VAV3: variants seen among roughly 807,000 people sequenced by gnomAD.
VAV3 encodes vav guanine nucleotide exchange factor 3, also known as guanine nucleotide exchange factor VAV3.
In VAV3, 94 loss-of-function variants were observed where a neutral mutation model predicts 131.2. That is an observed-to-expected ratio of 0.72 (90% confidence interval 0.61 to 0.85). VAV3 has a LOEUF of 0.85. Among genes scored for constraint, VAV3 ranks in the 40% least tolerant of loss-of-function variants. The pLI, the probability that VAV3 is intolerant of heterozygous loss-of-function variation, is 0.00. For synonymous variants in VAV3, 349 were observed against 342.0 expected, an observed-to-expected ratio of 1.02 and a Z score of -0.22; for missense variants, 939 against 1,002.7, an observed-to-expected ratio of 0.94 and a Z score of 0.86.
chr1:107,930,540 T>C (rs1259324208), intron 1 of VAV3, among the ~76,000 whole-genome samples: 3 of 152,148 alleles, frequency 2.0e-5, no homozygotes, highest in African/African-American at 7.2e-5. Flanking sequence ...CCTTCCCATA[T>C]GTATTACACT....
intron 15 of VAV3, among the ~76,000 whole-genome samples, chr1:107,746,435 C>T (rs974728383): frequency 6.6e-6 from 1 of 152,184 alleles, no homozygotes; most frequent in East Asian, 1.9e-4. Context: ...TGCTGAGATG[C>T]TTGGAAAACA....
chr1:107,650,569 A>G (rs1225757707), intron 19 of VAV3, among the ~76,000 whole-genome samples: 1 of 148,918 alleles, frequency 6.7e-6, no homozygotes, highest in Admixed American at 6.7e-5. Context: ...ATTTATTATT[A>G]TTATTATACT....
chr1:107,622,301 G>A (rs1653667303), intron 20 of VAV3, among the ~76,000 whole-genome samples: 1 of 152,102 alleles, frequency 6.6e-6, no homozygotes, highest in Non-Finnish European at 1.5e-5. Flanking sequence ...CAGGTTTGCT[G>A]GTAGAAATGA....
At position 107,768,510 on chromosome 1, in the gene VAV3, C is replaced by G. The variant is rs1664858762; in HGVS notation, c.649-1G>C. Reference sequence around the variant, plus strand: ...ATCTTTTTAGTGGTGCCATGAAATACTACCAGGAAAGAAGAAGAAAATAGT... The same window carrying G: ...ATCTTTTTAGTGGTGCCATGAAATAGTACCAGGAAAGAAGAAGAAAATAGT... On this transcript the variant is annotated splice_acceptor_variant, in intron 6 of 26. Coordinates refer to ENST00000370056, the MANE Select transcript of VAV3 (RefSeq NM_006113.5). LOFTEE classifies it high-confidence loss of function. The G allele has an allele frequency of 1.9e-6, 3 of 1,610,634 alleles. No individual in the cohort carries two copies. Among genetic ancestry groups the G allele is most frequent in the Non-Finnish European group, 2.5e-6 (3 of 1,177,906 alleles).
intron 1 of VAV3, among the ~76,000 whole-genome samples, chr1:107,897,847 T>C (rs1421350574): frequency 1.3e-5 from 2 of 152,166 alleles, no homozygotes; most frequent in African/African-American, 2.4e-5. Context: ...TTTATGAAAT[T>C]TTATTGCTGT....
At chr1:107,607,990 C>T (rs111380884) in intron 22 of VAV3, among the ~76,000 whole-genome samples, 241 of 152,188 alleles carry the variant, frequency 1.6e-3, no homozygotes, top group Admixed American at 3.9e-3. Context: ...TGTTCCCTAG[C>T]AGAAGACATT....
chr1:107,812,247 T>G (rs1208332186), intron 2 of VAV3, among the ~76,000 whole-genome samples: 1 of 152,184 alleles, frequency 6.6e-6, no homozygotes, highest in South Asian at 2.1e-4. Flanking sequence ...GACACTCTTG[T>G]GCATAGATAG....
At chr1:107,859,338 C>G (rs1669629733) in intron 2 of VAV3, among the ~76,000 whole-genome samples, 1 of 152,078 alleles carries the variant, frequency 6.6e-6, no homozygotes, top group African/African-American at 2.4e-5. Flanking sequence ...TCCCAAAGTG[C>G]TAAGATTATA....
intron 1 of VAV3, among the ~76,000 whole-genome samples, chr1:107,890,792 C>A (rs184847976): frequency 6.6e-6 from 1 of 152,216 alleles, no homozygotes; most frequent in East Asian, 1.9e-4. Flanking sequence ...CCAAACTTAG[C>A]CATTTTTCTA....
intron 19 of VAV3, among the ~76,000 whole-genome samples, chr1:107,663,602 A>C (rs1326584778): frequency 6.6e-6 from 1 of 152,208 alleles, no homozygotes; most frequent in Admixed American, 6.5e-5. Context: ...ATTGCCTATA[A>C]AGTGGTCAGA....
chr1:107,919,955 G>A (rs1672815439), intron 1 of VAV3, among the ~76,000 whole-genome samples: 1 of 152,112 alleles, frequency 6.6e-6, no homozygotes, highest in African/African-American at 2.4e-5. Flanking sequence ...CAGTTGAGGT[G>A]ACTTTCTTAC....
intron 1 of VAV3, among the ~76,000 whole-genome samples, chr1:107,928,818 A>G (rs1673280752): frequency 6.6e-6 from 1 of 152,214 alleles, no homozygotes; most frequent in African/African-American, 2.4e-5. Context: ...GTAGAGAAAG[A>G]GATAAGGAAG....
At chr1:107,851,667 T>C (rs536443525) in intron 2 of VAV3, among the ~76,000 whole-genome samples, 1 of 152,272 alleles carries the variant, frequency 6.6e-6, no homozygotes, top group Non-Finnish European at 1.5e-5. Flanking sequence ...GAACAGGCTC[T>C]GAAAAATAAT....
intron 2 of VAV3, among the ~76,000 whole-genome samples, chr1:107,816,027 G>A (rs1667545732): frequency 6.6e-6 from 1 of 152,154 alleles, no homozygotes; most frequent in Non-Finnish European, 1.5e-5. Flanking sequence ...GGAATCCAGT[G>A]CTGCCACTGA....
intron 4 of VAV3, among the ~76,000 whole-genome samples, chr1:107,773,922 T>C (rs373971829): frequency 5.0e-4 from 76 of 152,230 alleles, no homozygotes; most frequent in African/African-American, 1.8e-3. Context: ...TCCCTGGCAC[T>C]CCTAATCCCA....
chr1:107,700,506 T>C (rs1660045574), intron 17 of VAV3, among the ~76,000 whole-genome samples: 1 of 152,164 alleles, frequency 6.6e-6, no homozygotes, highest in Admixed American at 6.5e-5. Context: ...CCTGTGTCCA[T>C]GTGTTCTCAT....
At chr1:107,885,556 G>C (rs970366786) in intron 1 of VAV3, among the ~76,000 whole-genome samples, 3 of 152,082 alleles carry the variant, frequency 2.0e-5, no homozygotes, top group African/African-American at 7.2e-5. Flanking sequence ...CAAACCTACA[G>C]AAAGATAATT....
At chr1:107,600,264 A>G (rs1215863843) in intron 24 of VAV3, among the ~76,000 whole-genome samples, 1 of 152,246 alleles carries the variant, frequency 6.6e-6, no homozygotes, top group Non-Finnish European at 1.5e-5. Context: ...AGATTAGTTC[A>G]GCTGCCTCTT....
At chr1:107,901,869 C>A (rs982647126) in intron 1 of VAV3, among the ~76,000 whole-genome samples, 2 of 151,850 alleles carry the variant, frequency 1.3e-5, no homozygotes, top group African/African-American at 4.8e-5. Flanking sequence ...ATGGTGAAAC[C>A]CCGTCTCTAC....
Sources: gnomAD v4.1 joint callset for allele counts (sites outside exome capture counted in the v4.1 genomes callset) on GRCh38, gnomAD v4.1.1 for gene constraint, MANE v1.5 for transcripts, NCBI Gene and HGNC (gene_info 2026-07-23, HGNC 2026-07-21) for gene names.